Variants in ERGIC1 observed in about 807,000 individuals in gnomAD.
ERGIC1 encodes the protein endoplasmic reticulum-golgi intermediate compartment 1, also known as endoplasmic reticulum-Golgi intermediate compartment protein 1.
ERGIC1 carries 19 observed loss-of-function variants against 38.3 expected under a neutral mutation model. The ratio of observed to expected loss-of-function variants is 0.50; its 90% CI spans 0.35 to 0.73. The LOEUF (loss-of-function observed/expected upper bound fraction) is 0.73. Ranked by LOEUF, ERGIC1 falls within the 30% of genes least tolerant of loss-of-function variation. The pLI is 0.01. For synonymous variants in ERGIC1, 124 were observed against 157.6 expected, an observed-to-expected ratio of 0.79 and a Z score of 1.60; for missense variants, 294 against 389.2, an observed-to-expected ratio of 0.76 and a Z score of 2.06.
intron 1 of ERGIC1, among the ~76,000 whole-genome samples, chr5:172,871,984 G>A (rs530769456): frequency 6.6e-6 from 1 of 152,286 alleles, no homozygotes; most frequent in South Asian, 2.1e-4. Flanking sequence ...GGGATTGTGT[G>A]GAGAGTTTCA....
intron 1 of ERGIC1, among the ~76,000 whole-genome samples, chr5:172,849,176 C>T (rs1761345320): frequency 6.6e-6 from 1 of 152,212 alleles, no homozygotes; most frequent in Non-Finnish European, 1.5e-5. Context: ...CAAGCCCTAG[C>T]TCTACTTTCC....
At chr5:172,867,698 A>G (rs533244145) in intron 1 of ERGIC1, 2 of 264,958 alleles carry the variant, frequency 7.5e-6, no homozygotes, top group Non-Finnish European at 1.5e-5. Flanking sequence ...GGTGCTGGGC[A>G]GTGGGTCTAG....
chr5:172,910,110 G>A (rs979410474), intron 4 of ERGIC1, among the ~76,000 whole-genome samples: 9 of 152,276 alleles, frequency 5.9e-5, no homozygotes, highest in Admixed American at 5.2e-4. Flanking sequence ...AGGGCAGTAC[G>A]ACAGGATAAG....
intron 3 of ERGIC1, among the ~76,000 whole-genome samples, chr5:172,899,557 T>G (rs1024037413): frequency 6.6e-6 from 1 of 152,008 alleles, no homozygotes; most frequent in Non-Finnish European, 1.5e-5. Flanking sequence ...CCTCAAATGA[T>G]CCACCCGCCT....
chr5:172,928,813 A>G (rs1763713777), intron 7 of ERGIC1, among the ~76,000 whole-genome samples: 1 of 152,152 alleles, frequency 6.6e-6, no homozygotes, highest in Non-Finnish European at 1.5e-5. Context: ...AAAGTCATTT[A>G]ACTCTGCTAA....
chr5:172,918,653 A>G (rs1318734308), intron 5 of ERGIC1, among the ~76,000 whole-genome samples: 1 of 152,192 alleles, frequency 6.6e-6, no homozygotes, highest in Non-Finnish European at 1.5e-5. Flanking sequence ...GCTCCAGAAA[A>G]CGCTGATGAT....
intron 5 of ERGIC1, among the ~76,000 whole-genome samples, chr5:172,923,146 G>GGTTCCAGGATCATACTA (rs1459608569): frequency 2.7e-5 from 3 of 111,818 alleles, no homozygotes; most frequent in Non-Finnish European, 4.1e-5. Context: ...GGAGGAGGAG[G>GGTTCCAGGATCATACTA]AGGAGGGTTC....
At chr5:172,920,511 CTA>C (rs1348942788) in intron 5 of ERGIC1, 22 of 709,314 alleles carry the variant, frequency 3.1e-5, no homozygotes, top group Non-Finnish European at 5.8e-5. Flanking sequence ...CTGGCTCCAG[CTA>C]TATGTTTTTA....
intron 7 of ERGIC1, among the ~76,000 whole-genome samples, chr5:172,928,919 G>T (rs922078843): frequency 6.6e-6 from 1 of 152,150 alleles, no homozygotes; most frequent in Non-Finnish European, 1.5e-5. Flanking sequence ...TTTAGTACAC[G>T]GCCTGCCACA....
At chr5:172,886,073 AC>A (rs1762410416) in intron 1 of ERGIC1, among the ~76,000 whole-genome samples, 1 of 147,088 alleles carries the variant, frequency 6.8e-6, no homozygotes, top group Non-Finnish European at 1.5e-5. Context: ...CCCCACCCCT[AC>A]CTCCCAAATT....
At chr5:172,909,626 C>A in intron 3 of ERGIC1, 41 bp from the exon 4 acceptor site, 1 of 1,573,322 alleles carries the variant, frequency 6.4e-7, no homozygotes, top group Non-Finnish European at 8.7e-7. Flanking sequence ...AGATCTTTGC[C>A]GCCATCTCAA....
intron 7 of ERGIC1, among the ~76,000 whole-genome samples, chr5:172,928,694 C>T (rs1436254331): frequency 6.6e-6 from 1 of 151,872 alleles, no homozygotes; most frequent in Non-Finnish European, 1.5e-5. Context: ...TGATAAGAGG[C>T]CTGGAGGCCA....
intron 9 of ERGIC1, among the ~76,000 whole-genome samples, chr5:172,941,644 T>C (rs1483853086): frequency 6.6e-6 from 1 of 152,132 alleles, no homozygotes; most frequent in Non-Finnish European, 1.5e-5. Context: ...GACATCAGGA[T>C]CATTTGATAC....
At chr5:172,871,935 G>A (rs562799788) in intron 1 of ERGIC1, among the ~76,000 whole-genome samples, 11 of 152,194 alleles carry the variant, frequency 7.2e-5, no homozygotes, top group Non-Finnish European at 1.5e-4. Flanking sequence ...AGGCCCACAA[G>A]GAAAACATTC....
At chr5:172,840,514 G>A (rs1370692567) in intron 1 of ERGIC1, among the ~76,000 whole-genome samples, 1 of 152,144 alleles carries the variant, frequency 6.6e-6, no homozygotes, top group African/African-American at 2.4e-5. Context: ...CAGCCAAGAC[G>A]GAGGAGAAGT....
intron 2 of ERGIC1, among the ~76,000 whole-genome samples, chr5:172,893,905 A>ATGTGTGTGTG (rs1554110394): frequency 0.013 from 196 of 15,528 alleles, 19 homozygotes; most frequent in Non-Finnish European, 0.027. Context: ...ATATATATAT[A>ATGTGTGTGTG]TGTGTGTGTG....
At chr5:172,911,789 C>T (rs142182988) in intron 4 of ERGIC1, among the ~76,000 whole-genome samples, 2 of 152,190 alleles carry the variant, frequency 1.3e-5, no homozygotes, top group African/African-American at 2.4e-5. Flanking sequence ...CTTCATTATA[C>T]AACTAATAGA....
At chr5:172,918,385 TAAG>T (rs1315366605) in intron 5 of ERGIC1, 7 of 152,242 alleles carry the variant, frequency 4.6e-5, no homozygotes, top group Non-Finnish European at 8.8e-5. Flanking sequence ...CCAAAAGCCT[TAAG>T]AACCTAAGGT....
At chr5:172,918,517 C>T (rs1581574298) in intron 5 of ERGIC1, among the ~76,000 whole-genome samples, 1 of 152,292 alleles carries the variant, frequency 6.6e-6, no homozygotes, top group Non-Finnish European at 1.5e-5. Flanking sequence ...AAGGAGGAAG[C>T]AAAGGCTGGG....
Sources: allele counts gnomAD v4.1 joint callset (sites outside exome capture counted in the v4.1 genomes callset), GRCh38; gene constraint gnomAD v4.1.1; transcripts MANE v1.5; gene names NCBI Gene and HGNC (gene_info 2026-07-23, HGNC 2026-07-21).